Variants in CDK13 observed in about 807,000 individuals in gnomAD.
CDK13 encodes cyclin-dependent kinase 13.
In CDK13, 40 loss-of-function variants were observed where a neutral mutation model predicts 137.6. The observed-to-expected ratio is 0.29, with a 90% CI of 0.23 to 0.38. CDK13 has a LOEUF of 0.38. CDK13 is among the 10% of genes least tolerant of loss of function. The pLI is 1.00. For missense variants in CDK13, 1,704 were observed against 1,951.8 expected, an observed-to-expected ratio of 0.87 and a Z score of 2.39; for synonymous variants, 869 against 760.1, an observed-to-expected ratio of 1.14 and a Z score of -2.36.
At chr7:39,959,943 A>T in intron 1 of CDK13, among the ~76,000 whole-genome samples, 1 of 142,794 alleles carries the variant, frequency 7.0e-6, no homozygotes, top group East Asian at 2.1e-4. Context: ...TAGGTTTTTG[A>T]TTTGTCTCTG....
intron 1 of CDK13, among the ~76,000 whole-genome samples, chr7:39,981,101 G>A (rs368042200): frequency 1.3e-5 from 2 of 152,222 alleles, no homozygotes; most frequent in Admixed American, 1.3e-4. Context: ...ATCTTGGCTG[G>A]GTGCAGTGGC....
At chr7:40,000,708 T>G (rs1448334155) in intron 4 of CDK13, among the ~76,000 whole-genome samples, 1 of 152,078 alleles carries the variant, frequency 6.6e-6, no homozygotes, top group East Asian at 1.9e-4. Flanking sequence ...CTTTTAAAAC[T>G]GTTAAGTAAA....
intron 4 of CDK13, among the ~76,000 whole-genome samples, chr7:40,000,137 A>AGGCTGAGACAGGCAGATT (rs1784652878): frequency 6.6e-6 from 1 of 151,866 alleles, no homozygotes; most frequent in Admixed American, 6.6e-5. Flanking sequence ...GCACTTTGGG[A>AGGCTGAGACAGGCAGATT]GGCTGAGACA....
chr7:40,071,097 AG>A (rs1471309841), intron 9 of CDK13: 2 of 152,188 alleles, frequency 1.3e-5, no homozygotes, highest in Non-Finnish European at 1.5e-5. Context: ...AGATAGGAAA[AG>A]AGGGAAGCTT....
intron 5 of CDK13, among the ~76,000 whole-genome samples, chr7:40,027,978 A>C (rs1785281383): frequency 1.3e-5 from 2 of 151,730 alleles, no homozygotes; most frequent in South Asian, 4.2e-4. Context: ...ATTACAGTAG[A>C]AGCTCAGAAG....
At chr7:39,991,906 G>A (rs984957963) in intron 2 of CDK13, among the ~76,000 whole-genome samples, 38 of 151,976 alleles carry the variant, frequency 2.5e-4, no homozygotes, top group African/African-American at 8.9e-4. Context: ...ACAAAAATTA[G>A]CCTGCTGTGG....
intron 5 of CDK13, among the ~76,000 whole-genome samples, chr7:40,025,831 A>G (rs1254709001): frequency 6.6e-6 from 1 of 152,214 alleles, no homozygotes; most frequent in Non-Finnish European, 1.5e-5. Context: ...GAACACTTAG[A>G]GAAGAAAATT....
At position 39,950,965 on chromosome 7, in the gene CDK13, G is replaced by A. The variant is rs992864222; in HGVS notation, c.324G>A (p.Gly108=). The A allele has an allele frequency of 1.5e-5, 20 of 1,314,500 alleles. No individual in the cohort carries two copies. The highest frequency in any genetic ancestry group is 2.2e-5 in the South Asian group (1 of 44,858). 81.4% of individuals were successfully genotyped at this position (1,314,500 alleles called of 1,614,324 possible). ...GAGGGCGGCAGAAGCGGCGTCGCGG[G>A]CCCCGCGCCGGGCAGGAGGCGGAGA... is the stretch of plus-strand genomic sequence containing the variant. The part of the protein sequence containing the change: ...RAGGRQKRRR[G]PRAGQEAEKR... The change falls in exon 1 of 14, where the codon GGG becomes GGA. Residue 108 remains glycine (G), a synonymous_variant. Transcript: ENST00000181839.
intron 5 of CDK13, among the ~76,000 whole-genome samples, chr7:40,042,796 T>C (rs1023755026): frequency 1.9e-4 from 29 of 151,782 alleles, no homozygotes; most frequent in Non-Finnish European, 4.1e-4. Flanking sequence ...TTTTTTTTTT[T>C]TGAGACTGGG....
At chr7:39,986,310 C>G (rs1455133455) in intron 1 of CDK13, 4 of 152,156 alleles carry the variant, frequency 2.6e-5, no homozygotes, top group African/African-American at 7.2e-5. Flanking sequence ...CCTCAGCTTC[C>G]TTTCACTTGG....
intron 1 of CDK13, among the ~76,000 whole-genome samples, chr7:39,981,663 A>G (rs1023580924): frequency 1.3e-5 from 2 of 152,232 alleles, no homozygotes; most frequent in African/African-American, 4.8e-5. Flanking sequence ...ACTTACTAAG[A>G]CGAAATAAAT....
chr7:40,044,317 CTT>C (rs538722742), intron 5 of CDK13, among the ~76,000 whole-genome samples: 1 of 144,458 alleles, frequency 6.9e-6, no homozygotes. Context: ...AAGTCTTTTG[CTT>C]TTTTTTTTTT....
At chr7:39,953,132 T>A (rs1463747568) in intron 1 of CDK13, among the ~76,000 whole-genome samples, 5 of 152,218 alleles carry the variant, frequency 3.3e-5, no homozygotes, top group Non-Finnish European at 7.3e-5. Flanking sequence ...ATCACCATAA[T>A]AAATGTAAAG....
chr7:40,048,625 T>C lies in CDK13; in HGVS notation c.2600+748T>C, dbSNP rs537856135. 2.1e-4 allele frequency: 32 copies of C among 151,910 alleles called. No individual in the cohort carries two copies. In the East Asian group the frequency reaches 5.6e-3, roughly 27 times the overall value. 9.4% of individuals were successfully genotyped at this position (151,910 alleles called of 1,614,324 possible). Reference sequence around the variant, plus strand: ...ATTTTAAAATTATTTTATGACAATTTTGTCATTTCTTTAATATCACCATAA... The same window carrying C: ...ATTTTAAAATTATTTTATGACAATTCTGTCATTTCTTTAATATCACCATAA... On this transcript the variant is annotated intron_variant, in intron 7 of 13. Coordinates refer to ENST00000181839, the MANE Select transcript of CDK13 (RefSeq NM_003718.5).
At position 40,094,659 on chromosome 7, in the gene CDK13, A is replaced by G; in HGVS notation, c.4218A>G (p.Gly1406=). Residue 1406 remains glycine, a synonymous_variant, in exon 14 of 14, where the codon GGA becomes GGG. Transcript: ENST00000181839. ...AGTCATTTCCCAGTTCAGTAGCTGG[A>G]TATGGAGACATTTACCTCAATGCTG... The part of the protein sequence containing the change: ...FSESFPSSVA[G]YGDIYLNAGP... 2 of 1,614,166 alleles carry G rather than the reference A, an allele frequency of 1.2e-6. No homozygotes were observed. The highest frequency in any genetic ancestry group is 1.7e-6 in the Non-Finnish European group (2 of 1,180,034).
chr7:39,982,007 T>C (rs10273981), intron 1 of CDK13, among the ~76,000 whole-genome samples: 1 of 151,444 alleles, frequency 6.6e-6, no homozygotes, highest in African/African-American at 2.4e-5. Flanking sequence ...CTTCTTTTTT[T>C]CTTTTTTTTT....
At chr7:40,007,339 C>T (rs531300537) in intron 5 of CDK13, among the ~76,000 whole-genome samples, 4 of 152,202 alleles carry the variant, frequency 2.6e-5, no homozygotes, top group Non-Finnish European at 5.9e-5. Flanking sequence ...TCTCTGATTC[C>T]CAAACAGTGT....
rs1787035189 is a variant in CDK13 at position 40,095,829 on chromosome 7, ACT to A, written c.*850_*851del. ...TAGGTCCATTCCCTCTGCTTGTCAC[ACT>A]TTCTCCTTTTCTGCCTGTCTTTGGG... On this transcript the variant is annotated 3_prime_UTR_variant, in exon 14 of 14. Transcript: ENST00000181839. The A allele has an allele frequency of 6.6e-6, 1 of 152,174 alleles. No individual in the cohort carries two copies. Among genetic ancestry groups the A allele is most frequent in the Non-Finnish European group, 1.5e-5 (1 of 68,034 alleles). The allele number at this position is 152,174 out of a possible 1,614,324, so 9.4% of individuals were successfully genotyped here. A position where few individuals can be genotyped will look rare whatever the true frequency, so the allele number is the denominator to read the frequency against.
intron 1 of CDK13, among the ~76,000 whole-genome samples, chr7:39,957,132 T>TGTGTGTGTGTG (rs1787432278): frequency 1.4e-5 from 2 of 144,806 alleles, no homozygotes; most frequent in Admixed American, 7.0e-5. Context: ...TGTGTGTGTG[T>TGTGTGTGTGTG]TTTGGTAGAG....
Sources: gnomAD v4.1 joint callset for allele counts (sites outside exome capture counted in the v4.1 genomes callset) on GRCh38, gnomAD v4.1.1 for gene constraint, MANE v1.5 for transcripts, NCBI Gene and HGNC (gene_info 2026-07-23, HGNC 2026-07-21) for gene names.